Variants in MYH11 observed in about 807,000 individuals in gnomAD.
MYH11 encodes myosin-11.
A neutral mutation model predicts 246.6 loss-of-function variants in MYH11; 80 were observed. The observed-to-expected ratio is 0.32, with a 90% CI of 0.27 to 0.39. The LOEUF (loss-of-function observed/expected upper bound fraction) is 0.39. MYH11 is among the 10% of genes least tolerant of loss of function. The probability of loss-of-function intolerance (pLI) is 1.00; values close to 1 mark genes in which losing one functional copy is unlikely to be tolerated. For synonymous variants in MYH11, 1,071 were observed against 1,015.5 expected, an observed-to-expected ratio of 1.05 and a Z score of -1.04; for missense variants, 2,158 against 2,546.8, an observed-to-expected ratio of 0.85 and a Z score of 3.29.
chr16:15,849,200 G>A (rs764938088), intron 1 of MYH11, among the ~76,000 whole-genome samples: 50 of 152,078 alleles, frequency 3.3e-4, no homozygotes, highest in Admixed American at 9.2e-4. Context: ...CACTATGCCC[G>A]GCTTATTTTT....
intron 1 of MYH11, among the ~76,000 whole-genome samples, chr16:15,848,773 G>A (rs2044262494): frequency 6.6e-6 from 1 of 152,134 alleles, no homozygotes; most frequent in African/African-American, 2.4e-5. Flanking sequence ...GCTGTCTTGG[G>A]AAAGGCAGTT....
At chr16:15,842,553 C>T (rs771919340) in intron 1 of MYH11, among the ~76,000 whole-genome samples, 25 of 151,166 alleles carry the variant, frequency 1.7e-4, no homozygotes, top group African/African-American at 5.8e-4. Context: ...GCTTGAGGTC[C>T]GGAGTTCAAG....
chr16:15,784,807 C>G, intron 5 of MYH11: 1 of 1,470,658 alleles, frequency 6.8e-7, no homozygotes, highest in Non-Finnish European at 9.4e-7. Context: ...GACTTTGATC[C>G]CCCCAAACAG....
At chr16:15,856,298 G>T (rs967938837) in intron 1 of MYH11, among the ~76,000 whole-genome samples, 1 of 148,736 alleles carries the variant, frequency 6.7e-6, no homozygotes, top group Non-Finnish European at 1.5e-5. Context: ...ATCTCCCAGG[G>T]GTTCTCAACA....
chr16:15,797,899 G>A (rs1439915476), intron 4 of MYH11, among the ~76,000 whole-genome samples: 3 of 151,912 alleles, frequency 2.0e-5, no homozygotes, highest in Admixed American at 1.3e-4. Flanking sequence ...TTATTTTGCA[G>A]TTTAAAATGT....
chr16:15,855,982 T>C (rs1391169164), intron 1 of MYH11, among the ~76,000 whole-genome samples: 1 of 152,186 alleles, frequency 6.6e-6, no homozygotes, highest in African/African-American at 2.4e-5. Flanking sequence ...GTACCTTTTC[T>C]CAAGTGGCAA....
Position 15,753,388 on chromosome 16 carries a change from C to T in MYH11, c.1864+6G>A, listed in dbSNP as rs1567729627. ...AGAACATGGACCCGAGCAGAGAAGGCCTTACCGTCCTTCCACAGGTCGGCC... is the reference window on the plus strand; with the variant it reads ...AGAACATGGACCCGAGCAGAGAAGGTCTTACCGTCCTTCCACAGGTCGGCC... On this transcript the variant is annotated splice_donor_region_variant and intron_variant, in intron 15 of 40. Coordinates refer to ENST00000300036, the MANE Select transcript of MYH11 (RefSeq NM_002474.3). The T allele has an allele frequency of 3.1e-6, 5 of 1,610,000 alleles. No individual in the cohort carries two copies. The highest frequency in any genetic ancestry group is 1.1e-5 in the South Asian group (1 of 90,982).
In MYH11 at chr16:15,741,744, G is replaced by C; in HGVS notation, c.2652+16C>G. 6.2e-7 allele frequency: 1 copy of C among 1,614,152 alleles called. No homozygotes were observed. The highest frequency in any genetic ancestry group is 8.5e-7 in the Non-Finnish European group (1 of 1,180,042). ...CCTGTTCCCCAGCAACCCCAGCCATGCATCCATACAGGTACCTGCGAGTGC... is the reference window on the plus strand; with the variant it reads ...CCTGTTCCCCAGCAACCCCAGCCATCCATCCATACAGGTACCTGCGAGTGC... On this transcript the variant is annotated intron_variant, in intron 21 of 40. Transcript: ENST00000300036.
chr16:15,709,268 A>G (rs2039644739), intron 40 of MYH11, among the ~76,000 whole-genome samples: 1 of 151,814 alleles, frequency 6.6e-6, no homozygotes, highest in Non-Finnish European at 1.5e-5. Context: ...CCTTAAGTCA[A>G]CGTTGCAGTG....
intron 1 of MYH11, among the ~76,000 whole-genome samples, chr16:15,851,011 C>G (rs1365217174): frequency 3.3e-5 from 5 of 152,174 alleles, no homozygotes; most frequent in African/African-American, 1.2e-4. Flanking sequence ...AAGAGGATTG[C>G]TTGAATTAGG....
At chr16:15,854,994 T>A (rs1483920749) in intron 1 of MYH11, among the ~76,000 whole-genome samples, 1 of 152,150 alleles carries the variant, frequency 6.6e-6, no homozygotes. Context: ...CGGGCTGCGG[T>A]GCAAGGCTGG....
intron 3 of MYH11, among the ~76,000 whole-genome samples, chr16:15,805,300 G>A (rs1341279683): frequency 1.3e-5 from 2 of 152,176 alleles, no homozygotes; most frequent in African/African-American, 4.8e-5. Flanking sequence ...ATAAACATGA[G>A]TGTCACATGG....
chr16:15,705,984 C>CAAAAAAAAAAAAAAAAAAAAAAAAA (rs57451847), intron 40 of MYH11, among the ~76,000 whole-genome samples: 1 of 56,764 alleles, frequency 1.8e-5, no homozygotes, highest in Non-Finnish European at 2.8e-5. Context: ...GACTCCGTCT[C>CAAAAAAAAAAAAAAAAAAAAAAAAA]AAAAAAAAAA....
chr16:15,745,954 C>T (rs145419099), intron 19 of MYH11, among the ~76,000 whole-genome samples: 13 of 143,932 alleles, frequency 9.0e-5, no homozygotes, highest in East Asian at 2.1e-4. Flanking sequence ...TCTGGCTCTG[C>T]GGCCCAGGCT....
At chr16:15,793,844 C>G (rs1402585765) in intron 4 of MYH11, among the ~76,000 whole-genome samples, 1 of 141,722 alleles carries the variant, frequency 7.1e-6, no homozygotes. Flanking sequence ...AGGATGGTCT[C>G]GAACTCCTGA....
At chr16:15,840,389 C>T (rs1042664464) in intron 1 of MYH11, among the ~76,000 whole-genome samples, 1 of 152,032 alleles carries the variant, frequency 6.6e-6, no homozygotes, top group African/African-American at 2.4e-5. Context: ...GATGGATATG[C>T]TAATTATCCT....
At chr16:15,781,937 G>A (rs1168655162) in intron 6 of MYH11, among the ~76,000 whole-genome samples, 1 of 152,174 alleles carries the variant, frequency 6.6e-6, no homozygotes, top group African/African-American at 2.4e-5. Flanking sequence ...ATTTCTTGGA[G>A]GAGGTGTGTG....
At chr16:15,722,863 C>A (rs1356514451) in intron 31 of MYH11, among the ~76,000 whole-genome samples, 1 of 152,210 alleles carries the variant, frequency 6.6e-6, no homozygotes, top group Non-Finnish European at 1.5e-5. Context: ...CCTGCCTCAG[C>A]TTCCAGAGTA....
At chr16:15,711,819 AG>A (rs2039815253) in intron 40 of MYH11, among the ~76,000 whole-genome samples, 1 of 152,054 alleles carries the variant, frequency 6.6e-6, no homozygotes, top group Admixed American at 6.6e-5. Context: ...CAGCCTCCCT[AG>A]TAGCTGGGAT....
Sources: allele counts gnomAD v4.1 joint callset (sites outside exome capture counted in the v4.1 genomes callset), GRCh38; gene constraint gnomAD v4.1.1; transcripts MANE v1.5; gene names NCBI Gene and HGNC (gene_info 2026-07-23, HGNC 2026-07-21).